The following THRA variants were observed in gnomAD, a reference collection of about 807,000 sequenced individuals.
The protein encoded by THRA is EAR-7.
In THRA, 13 loss-of-function variants were observed where a neutral mutation model predicts 45.0. The ratio of observed to expected loss-of-function variants is 0.29; its 90% CI spans 0.19 to 0.46. The LOEUF is 0.46. Ranked by LOEUF, THRA falls within the 20% of genes least tolerant of loss-of-function variation. The pLI is 1.00. For synonymous variants in THRA, 195 were observed against 214.0 expected (o/e 0.91, Z 0.78); for missense variants, 278 against 556.1 (o/e 0.50, Z 5.03).
At chr17:40,093,810 T>C (rs1016193828), downstream of THRA, 2 of 1,014,208 alleles carry the variant, frequency 2.0e-6, no homozygotes, top group Non-Finnish European at 3.0e-6. The surrounding 1 kb of genome is among the most constrained non-coding windows in gnomAD (Gnocchi z 5.9). Context: ...GTATCCCCAG[T>C]GCCCGGTGCA....
rs977800958 is a variant in THRA, at chr17:40,092,671, A to G, written c.*3215A>G. On this transcript the variant is annotated 3_prime_UTR_variant, in exon 9 of 9. Transcript: ENST00000450525. ...TTAGACTTGTGTGCTGTTTCCCTAT[A>G]TCCTCCCATCTGCTGGCAGAGTACC... 5.9e-5 allele frequency: 13 copies of G among 218,514 alleles called. No homozygotes were observed. The highest frequency in any genetic ancestry group is 3.0e-4 in the African/African-American group (13 of 43,170). 13.5% of individuals were successfully genotyped at this position (218,514 alleles called of 1,614,324 possible). A position where few individuals can be genotyped will look rare whatever the true frequency, so the allele number is the denominator to read the frequency against.
chr17:40,065,882 TAAAC>T (rs913603580), intron 1 of THRA, among the ~76,000 whole-genome samples: 10 of 152,232 alleles, frequency 6.6e-5, no homozygotes, highest in East Asian at 1.9e-4. Flanking sequence ...TAGCAGCTCT[TAAAC>T]AAGCCATGAA....
chr17:40,092,937 C>T lies in THRA; in HGVS notation c.*3481C>T. On this transcript the variant is annotated 3_prime_UTR_variant, in exon 9 of 9. Transcript: ENST00000450525. ...GGAGGCAGGTATTTACAAGAAGGCT[C>T]AGGGGGCCAGAGGCTCATCTTGGAA... The T allele has an allele frequency of 6.5e-7, 1 of 1,528,214 alleles. No individual in the cohort carries two copies. Among genetic ancestry groups the T allele is most frequent in the South Asian group, 1.3e-5 (1 of 77,814 alleles). The allele number at this position is 1,528,214 out of a possible 1,614,324, so 94.7% of individuals were successfully genotyped here.
chr17:40,074,435 GCCCACCCCAGTCTCTT>G lies in THRA; in HGVS notation c.-53_-38del, dbSNP rs1986881346. On this transcript the variant is annotated 5_prime_UTR_variant, in exon 2 of 9. Coordinates refer to ENST00000450525, the MANE Select transcript of THRA (RefSeq NM_199334.5). Reference sequence around the variant, plus strand: ...GTGGGTGTGCCGGGGGGGCCAGTGTGCCCACCCCAGTCTCTTGGCGTGCTGGAGGGCATCCTGGATG... The same window carrying G: ...GTGGGTGTGCCGGGGGGGCCAGTGTGGGCGTGCTGGAGGGCATCCTGGATG... 1 of 1,607,190 alleles carries G rather than the reference GCCCACCCCAGTCTCTT, an allele frequency of 6.2e-7. No individual in the cohort carries two copies. Among genetic ancestry groups the G allele is most frequent in the Non-Finnish European group, 8.5e-7 (1 of 1,174,520 alleles).
chr17:40,071,476 G>A (rs1346989389), intron 1 of THRA, among the ~76,000 whole-genome samples: 5 of 152,188 alleles, frequency 3.3e-5, no homozygotes, highest in South Asian at 4.1e-4. Context: ...CCCCCTCCAC[G>A]GGCACTTTGC....
chr17:40,087,718 G>A (rs1363157975), intron 7 of THRA, among the ~76,000 whole-genome samples: 2 of 152,190 alleles, frequency 1.3e-5, no homozygotes, highest in Non-Finnish European at 2.9e-5. Context: ...TTCCCATCTG[G>A]AGTGGGCTGG....
intron 6 of THRA, among the ~76,000 whole-genome samples, chr17:40,085,027 A>G (rs2145077589): frequency 6.6e-6 from 1 of 152,290 alleles, no homozygotes; most frequent in Middle Eastern, 3.4e-3. Context: ...CTCAATGAGG[A>G]CAGGGCCTTG....
chr17:40,065,088 G>A (rs987184449), intron 1 of THRA, among the ~76,000 whole-genome samples: 4 of 151,250 alleles, frequency 2.6e-5, no homozygotes, highest in African/African-American at 7.3e-5. Context: ...AGAGAAACAA[G>A]AGCAAAGACA....
rs1049821043 is a variant in THRA, at chr17:40,092,319, G to C, written c.*2863G>C. On this transcript the variant is annotated 3_prime_UTR_variant, in exon 9 of 9. Transcript: ENST00000450525. ...ACTCCTGCCCTGGGAACTCCTGGGCGGGGGGGAGGGGGACACTGCCCAGAG... is the reference window on the plus strand; with the variant it reads ...ACTCCTGCCCTGGGAACTCCTGGGCCGGGGGGAGGGGGACACTGCCCAGAG... 6 of 73,792 alleles carry C rather than the reference G, an allele frequency of 8.1e-5. No homozygotes were observed. The highest frequency in any genetic ancestry group is 2.0e-4 in the African/African-American group (5 of 25,010). The allele number at this position is 73,792 out of a possible 1,614,324, so 4.6% of individuals were successfully genotyped here.
At chr17:40,077,681 G>T (rs1010734778) in intron 4 of THRA, 73 bp downstream of exon 4, 8 of 1,218,996 alleles carry the variant, frequency 6.6e-6, no homozygotes, top group African/African-American at 1.5e-5. Context: ...CCTAAAGCCC[G>T]CCTGTTAGGT....
At chr17:40,078,600 T>TCGCCTTCAAGCTGCTCACAGCCTGTCAG in intron 4 of THRA, among the ~76,000 whole-genome samples, 1 of 152,282 alleles carries the variant, frequency 6.6e-6, no homozygotes, top group Middle Eastern at 3.4e-3. Flanking sequence ...AGTACGTACC[T>TCGCCTTCAAGCTGCTCACAGCCTGTCAG]CGCCTTCAAG....
intron 5 of THRA, 49 bp downstream of exon 5, chr17:40,084,031 A>G (rs1340790476): frequency 6.4e-7 from 1 of 1,568,374 alleles, no homozygotes; most frequent in Non-Finnish European, 8.7e-7. Flanking sequence ...TGGGGTGGGG[A>G]TGAGTTCTGG....
intron 8 of THRA, 75 bp downstream of exon 8, chr17:40,088,575 C>T: frequency 6.6e-7 from 1 of 1,524,332 alleles, no homozygotes. Flanking sequence ...GGGCCTGTTG[C>T]TCAACTCCCT....
chr17:40,068,453 G>T (rs1271267410), intron 1 of THRA, among the ~76,000 whole-genome samples: 1 of 152,236 alleles, frequency 6.6e-6, no homozygotes, highest in Non-Finnish European at 1.5e-5. Flanking sequence ...GCTGGTGTGT[G>T]GTGGGGGCAC....
intron 7 of THRA, 97 bp from the exon 8 acceptor site, chr17:40,088,145 C>A: frequency 3.4e-6 from 5 of 1,483,246 alleles, no homozygotes; most frequent in Non-Finnish European, 4.5e-6. Flanking sequence ...CCATGGGGGC[C>A]TTGCGGGCCT....
At chr17:40,074,633 C>T in intron 2 of THRA, 92 bp downstream of exon 2, 13 of 1,406,088 alleles carry the variant, frequency 9.2e-6, no homozygotes, top group Non-Finnish European at 1.3e-5. Flanking sequence ...CTTTAAGCAC[C>T]TCTGTGGGAT....
chr17:40,073,281 G>T lies in THRA; in HGVS notation c.-297-911G>T, dbSNP rs139565454. 4.6e-3 allele frequency among the ~76,000 whole-genome samples: 696 copies of T among 152,328 alleles called. 5 individuals are homozygous for T. The highest frequency in any genetic ancestry group is 0.016 in the African/African-American group (663 of 41,570). On this transcript the variant is annotated intron_variant, in intron 1 of 8. Coordinates refer to ENST00000450525, the MANE Select transcript of THRA (RefSeq NM_199334.5). ...AGCCCAGGGTCAGAGGTGCAATGCCGTAGGAATGGTGGGCCCGGCTTGGCA... is the reference window on the plus strand; with the variant it reads ...AGCCCAGGGTCAGAGGTGCAATGCCTTAGGAATGGTGGGCCCGGCTTGGCA...
rs983311404 is a variant in THRA at position 40,092,737 on chromosome 17, G to A, written c.*3281G>A. On this transcript the variant is annotated 3_prime_UTR_variant, in exon 9 of 9. Coordinates refer to ENST00000450525, the MANE Select transcript of THRA (RefSeq NM_199334.5). ...CCAGATGGAGAGGTGGCCCCCCCCA[G>A]CCTTGGCAGTATTTCCACCCCACCC... is the stretch of plus-strand genomic sequence containing the variant. The A allele has an allele frequency of 6.6e-5, 17 of 256,382 alleles. 1 individual carries two copies. Among genetic ancestry groups the A allele is most frequent in the African/African-American group, 3.9e-4 (16 of 41,480 alleles). 15.9% of individuals were successfully genotyped at this position (256,382 alleles called of 1,614,324 possible).
At chr17:40,077,761 G>T (rs965774438) in intron 4 of THRA, among the ~76,000 whole-genome samples, 153 bp downstream of exon 4, 1 of 151,860 alleles carries the variant, frequency 6.6e-6, no homozygotes, top group African/African-American at 2.4e-5. Flanking sequence ...GCAGTGGCGC[G>T]ATCATGGCTC....
Sources: allele counts gnomAD v4.1 joint callset (sites outside exome capture counted in the v4.1 genomes callset), GRCh38; gene constraint gnomAD v4.1.1; non-coding constraint Gnocchi (gnomAD v3.1); transcripts MANE v1.5; gene names NCBI Gene and HGNC (gene_info 2026-07-23, HGNC 2026-07-21).